Variants in ANKIB1 observed in about 807,000 individuals in gnomAD.
The protein encoded by ANKIB1 is ankyrin repeat and IBR domain-containing protein 1.
ANKIB1 carries 43 observed loss-of-function variants against 122.1 expected under a neutral mutation model. The ratio of observed to expected loss-of-function variants is 0.35; its 90% CI spans 0.28 to 0.45. The LOEUF (loss-of-function observed/expected upper bound fraction) is 0.45, where lower values mean the gene tolerates loss of function less well. Among genes scored for constraint, ANKIB1 ranks in the 20% least tolerant of loss-of-function variants. The pLI is 1.00. For missense variants in ANKIB1, 992 were observed against 1,329.5 expected, an observed-to-expected ratio of 0.75 and a Z score of 3.95; for synonymous variants, 390 against 442.0, an observed-to-expected ratio of 0.88 and a Z score of 1.48.
chr7:92,271,282 A>C (rs1801785730), intron 1 of ANKIB1, among the ~76,000 whole-genome samples: 2 of 152,270 alleles, frequency 1.3e-5, no homozygotes, highest in Admixed American at 1.3e-4. Context: ...ATATTTGTAT[A>C]CACCTGTTTC....
chr7:92,252,436 G>A (rs370217042), intron 1 of ANKIB1, among the ~76,000 whole-genome samples: 2 of 148,888 alleles, frequency 1.3e-5, no homozygotes, highest in Non-Finnish European at 3.0e-5. Flanking sequence ...GCCCAGGCTG[G>A]AATGCAGTGG....
intron 2 of ANKIB1, among the ~76,000 whole-genome samples, chr7:92,305,108 A>G (rs1298939006): frequency 6.6e-6 from 1 of 152,240 alleles, no homozygotes; most frequent in Non-Finnish European, 1.5e-5. Context: ...TTCTGTTCAA[A>G]GTAACACTGT....
intron 1 of ANKIB1, among the ~76,000 whole-genome samples, chr7:92,270,210 A>G (rs931126174): frequency 1.3e-5 from 2 of 152,046 alleles, no homozygotes; most frequent in East Asian, 1.9e-4. Context: ...CTGTAGGCGC[A>G]TGCCACCATG....
At chr7:92,353,141 C>T (rs947494728) in intron 9 of ANKIB1, among the ~76,000 whole-genome samples, 2 of 152,136 alleles carry the variant, frequency 1.3e-5, no homozygotes, top group Non-Finnish European at 2.9e-5. Flanking sequence ...AAAATTTTAT[C>T]TTGGGCCCTA....
intron 10 of ANKIB1, among the ~76,000 whole-genome samples, chr7:92,369,585 TA>T (rs1804186798): frequency 6.6e-6 from 1 of 152,138 alleles, no homozygotes; most frequent in Non-Finnish European, 1.5e-5. Context: ...AGGGGTTGGG[TA>T]ACTTTTCTTT....
At chr7:92,350,005 TAAA>T (rs147124525) in intron 7 of ANKIB1, among the ~76,000 whole-genome samples, 2 of 130,406 alleles carry the variant, frequency 1.5e-5, no homozygotes, top group Admixed American at 7.9e-5. Context: ...GACCCCATCT[TAAA>T]AAAAAAAAAA....
chr7:92,355,927 G>A (rs1803800530), intron 9 of ANKIB1, among the ~76,000 whole-genome samples: 1 of 151,172 alleles, frequency 6.6e-6, no homozygotes. Context: ...TTACCTAGCG[G>A]TTGAGCATTT....
At chr7:92,386,211 GA>G (rs1334567047) in intron 11 of ANKIB1, among the ~76,000 whole-genome samples, 1 of 152,132 alleles carries the variant, frequency 6.6e-6, no homozygotes, top group Non-Finnish European at 1.5e-5. Flanking sequence ...ACTTAAAAAT[GA>G]AACACTTTCC....
chr7:92,251,118 A>G (rs1370335982), intron 1 of ANKIB1, among the ~76,000 whole-genome samples: 2 of 152,168 alleles, frequency 1.3e-5, no homozygotes, highest in Non-Finnish European at 2.9e-5. Flanking sequence ...TCAAGTCACT[A>G]TATTTTTCTC....
rs1471969200 is a variant in ANKIB1, at chr7:92,368,890, C to G, written c.1487-2587C>G. On this transcript the variant is annotated intron_variant, in intron 10 of 19. Transcript: ENST00000265742. ...TCACTAAAATGCAGTTAGGAGATCACATTCTCTCCAAGGGTGGAAGAAAAA... is the reference window on the plus strand; with the variant it reads ...TCACTAAAATGCAGTTAGGAGATCAGATTCTCTCCAAGGGTGGAAGAAAAA... Among the ~76,000 whole-genome samples, 6 of 152,150 alleles carry G rather than the reference C, an allele frequency of 3.9e-5. No homozygotes were observed. In the East Asian group the frequency reaches 1.2e-3, roughly 29 times the overall value.
intron 1 of ANKIB1, among the ~76,000 whole-genome samples, chr7:92,252,501 C>T (rs1240472336): frequency 6.6e-6 from 1 of 151,626 alleles, no homozygotes; most frequent in Non-Finnish European, 1.5e-5. Flanking sequence ...ATTCTCCTGC[C>T]TCAGCCTCCC....
At chr7:92,349,432 G>T (rs1207277756) in intron 7 of ANKIB1, among the ~76,000 whole-genome samples, 4 of 152,164 alleles carry the variant, frequency 2.6e-5, no homozygotes, top group African/African-American at 9.7e-5. Context: ...GGTTGTCGTT[G>T]CTGCTGTTGT....
chr7:92,309,326 C>T (rs1205369307), intron 3 of ANKIB1, among the ~76,000 whole-genome samples: 2 of 152,214 alleles, frequency 1.3e-5, no homozygotes, highest in Non-Finnish European at 2.9e-5. Context: ...TTTAAGCGAT[C>T]TCCCTCCCTC....
chr7:92,337,654 T>G (rs1453079809), intron 5 of ANKIB1, among the ~76,000 whole-genome samples: 1 of 152,290 alleles, frequency 6.6e-6, no homozygotes. Flanking sequence ...AACTTAACTT[T>G]CAGGATTCTC....
chr7:92,314,298 CAA>C (rs932606674), intron 3 of ANKIB1, among the ~76,000 whole-genome samples: 6 of 121,276 alleles, frequency 4.9e-5, no homozygotes, highest in Non-Finnish European at 3.5e-5. Flanking sequence ...ATGCTGTCTC[CAA>C]AAAAAAAAAA....
At chr7:92,266,676 A>G (rs985260731) in intron 1 of ANKIB1, among the ~76,000 whole-genome samples, 9 of 152,178 alleles carry the variant, frequency 5.9e-5, no homozygotes, top group South Asian at 2.1e-4. Flanking sequence ...TGCTGGGGGA[A>G]AAAACTGTAG....
chr7:92,390,072 T>C lies in ANKIB1; in HGVS notation c.2008T>C (p.Leu670=). ...LKCSYPYGFF[L]EPKSTKKEIF... ...GTGTTCTTATCCATATGGATTTTTC[T>C]TGGAACCTAAAAGCACAAAGAAAGA... Residue 670 remains leucine (L), a synonymous_variant, in exon 15 of 20, where the codon TTG becomes CTG. Coordinates refer to ENST00000265742, the MANE Select transcript of ANKIB1 (RefSeq NM_019004.2). 1 of 1,598,266 alleles carries C rather than the reference T, an allele frequency of 6.3e-7. No individual in the cohort carries two copies. Among genetic ancestry groups the C allele is most frequent in the Non-Finnish European group, 8.5e-7 (1 of 1,175,064 alleles).
intron 15 of ANKIB1, among the ~76,000 whole-genome samples, chr7:92,390,676 A>C (rs1031402873): frequency 1.3e-5 from 2 of 152,126 alleles, no homozygotes; most frequent in African/African-American, 2.4e-5. Flanking sequence ...TATATCCTAC[A>C]TTTCTGTCAA....
intron 3 of ANKIB1, 31 bp downstream of exon 3, chr7:92,307,687 T>C: frequency 7.1e-7 from 1 of 1,406,776 alleles, no homozygotes; most frequent in Non-Finnish European, 9.2e-7. Context: ...ATATTCTGCA[T>C]TGTAAAATTT....
Sources: allele counts gnomAD v4.1 joint callset (sites outside exome capture counted in the v4.1 genomes callset), GRCh38; gene constraint gnomAD v4.1.1; transcripts MANE v1.5; gene names NCBI Gene and HGNC (gene_info 2026-07-23, HGNC 2026-07-21).